Variants in CPSF6 observed in about 807,000 individuals in gnomAD.
CPSF6 encodes the protein cleavage and polyadenylation specificity factor subunit 6.
A neutral mutation model predicts 56.7 loss-of-function variants in CPSF6; 10 were observed. The observed-to-expected ratio is 0.18, with a 90% confidence interval of 0.11 to 0.30. CPSF6 has a LOEUF of 0.30. Among genes scored for constraint, CPSF6 ranks in the 10% least tolerant of loss-of-function variants. The probability of loss-of-function intolerance (pLI) is 1.00; values close to 1 mark genes in which losing one functional copy is unlikely to be tolerated. For synonymous variants in CPSF6, 248 were observed against 244.8 expected (o/e 1.01, Z -0.12); for missense variants, 419 against 722.9 (o/e 0.58, Z 4.82).
intron 1 of CPSF6, among the ~76,000 whole-genome samples, chr12:69,245,441 A>C (rs541239193): frequency 6.6e-6 from 1 of 152,348 alleles, no homozygotes; most frequent in East Asian, 1.9e-4. Context: ...GTATATATAA[A>C]GAAAAACATA....
intron 7 of CPSF6, 125 bp downstream of exon 7, chr12:69,259,668 C>T (rs1872662551): frequency 1.2e-6 from 1 of 838,478 alleles, no homozygotes; most frequent in Non-Finnish European, 1.8e-6. Context: ...CAAATCATTA[C>T]CTACGATTTA....
intron 2 of CPSF6, chr12:69,251,939 C>T: frequency 4.6e-6 from 2 of 433,062 alleles, no homozygotes; most frequent in South Asian, 1.7e-5. Flanking sequence ...TAAAATAGTC[C>T]TATAGAATGT....
chr12:69,265,138 T>TGTATTGGTTTTTCTAAAA (rs1394639256), intron 9 of CPSF6, among the ~76,000 whole-genome samples: 1 of 152,190 alleles, frequency 6.6e-6, no homozygotes, highest in Non-Finnish European at 1.5e-5. Context: ...CATTTTAAAA[T>TGTATTGGTTTTTCTAAAA]GTATTGGTTT....
chr12:69,253,238 T>A, intron 3 of CPSF6, 84 bp downstream of exon 3: 1 of 718,942 alleles, frequency 1.4e-6, no homozygotes, highest in Non-Finnish European at 2.4e-6. Flanking sequence ...TTAATGTTAA[T>A]TACACATGTA....
Position 69,258,941 on chromosome 12 carries a change from G to C in CPSF6, c.1046G>C (p.Gly349Ala), listed in dbSNP as rs1440303901. Residue 349 changes from glycine (G) to alanine (A), a missense_variant, in exon 6 of 10, where the codon GGT becomes GCT. By Grantham distance (60) the Gly-to-Ala change is moderately conservative. Coordinates refer to ENST00000435070, the MANE Select transcript of CPSF6 (RefSeq NM_007007.3). This position sits in a 1 kb window ranked among gnomAD's most constrained non-coding sequence, Gnocchi z 4.2. ...CCGCATCTTCCTGGACCACCTCCAG[G>C]TGCCCCACCGCCAGCTCCGCATGTG... ...PPPHLPGPPP[G>A]APPPAPHVNP... 6.2e-7 allele frequency: 1 copy of C among 1,613,904 alleles called. No homozygotes were observed. Among genetic ancestry groups the C allele is most frequent in the African/African-American group, 1.3e-5 (1 of 74,860 alleles).
chr12:69,259,118 A>G, intron 6 of CPSF6, 24 bp downstream of exon 6: 2 of 1,576,564 alleles, frequency 1.3e-6, no homozygotes, highest in African/African-American at 2.7e-5. Flanking sequence ...TATCTGTGAA[A>G]GTACTTGATG....
At position 69,273,014 on chromosome 12, in the gene CPSF6, A is replaced by G. The variant is rs1467357957; in HGVS notation, c.*3506A>G. Reference sequence around the variant, plus strand: ...CAATAAATATTCAACCAAAAATTATAAATTTATTAAGATGTGGCCTTACAT... The same window carrying G: ...CAATAAATATTCAACCAAAAATTATGAATTTATTAAGATGTGGCCTTACAT... On this transcript the variant is annotated 3_prime_UTR_variant, in exon 10 of 10. Transcript: ENST00000435070. The G allele has an allele frequency of 4.1e-6, 1 of 244,524 alleles. No homozygotes were observed. Among genetic ancestry groups the G allele is most frequent in the Admixed American group, 5.2e-5 (1 of 19,208 alleles). 15.1% of individuals were successfully genotyped at this position (244,524 alleles called of 1,614,324 possible).
chr12:69,240,712 T>C (rs1455342510), intron 1 of CPSF6, among the ~76,000 whole-genome samples: 1 of 145,032 alleles, frequency 6.9e-6, no homozygotes, highest in African/African-American at 2.5e-5. Flanking sequence ...GGCCCCGTGT[T>C]ACCTTTTGAA....
chr12:69,253,774 A>C (rs1000301788), intron 3 of CPSF6, among the ~76,000 whole-genome samples: 3 of 152,104 alleles, frequency 2.0e-5, no homozygotes, highest in African/African-American at 7.2e-5. Flanking sequence ...TCTAATGTCT[A>C]ATTCTTTTGC....
At chr12:69,262,648 C>CCTG in intron 9 of CPSF6, 86 bp downstream of exon 9, 1 of 1,308,512 alleles carries the variant, frequency 7.6e-7, no homozygotes, top group Non-Finnish European at 1.0e-6. Flanking sequence ...CAGTATATAC[C>CCTG]TACATTTTAA....
chr12:69,250,657 T>G (rs1018958595), intron 1 of CPSF6, among the ~76,000 whole-genome samples: 9 of 10,124 alleles, frequency 8.9e-4, no homozygotes, highest in East Asian at 2.7e-3. Flanking sequence ...GTTTTTTTGT[T>G]TTTTTTTGAG....
Position 69,258,540 on chromosome 12 carries a change from A to C in CPSF6, c.695-50A>C, listed in dbSNP as rs1266777245. ...AATCTTGGCATATAAAAGTTAAAAT[A>C]TCTTATTAGTGAAGTGTTTTTTTTT... On this transcript the variant is annotated intron_variant, in intron 5 of 9. Coordinates refer to ENST00000435070, the MANE Select transcript of CPSF6 (RefSeq NM_007007.3). The surrounding 1 kb of genome is among the most constrained non-coding windows in gnomAD (Gnocchi z 4.2). 7 of 1,512,272 alleles carry C rather than the reference A, an allele frequency of 4.6e-6. No homozygotes were observed. The highest frequency in any genetic ancestry group is 6.2e-6 in the Non-Finnish European group (7 of 1,136,220). The allele number at this position is 1,512,272 out of a possible 1,614,324, so 93.7% of individuals were successfully genotyped here.
chr12:69,265,978 T>C (rs1187242638), intron 9 of CPSF6, among the ~76,000 whole-genome samples: 16 of 151,418 alleles, frequency 1.1e-4, no homozygotes, highest in Non-Finnish European at 1.9e-4. Flanking sequence ...GCCCAAGATT[T>C]AGGATGCTTT....
Position 69,271,749 on chromosome 12 carries a change from G to A in CPSF6, c.*2241G>A, listed in dbSNP as rs1873255359. On this transcript the variant is annotated 3_prime_UTR_variant, in exon 10 of 10. Transcript: ENST00000435070. ...CTACCTGATAACACGTGAATGTATA[G>A]CAGTAAAGGTGAAAATTGCAGGCCT... 6.6e-6 allele frequency: 1 copy of A among 151,698 alleles called. No homozygotes were observed. Among genetic ancestry groups the A allele is most frequent in the African/African-American group, 2.4e-5 (1 of 41,390 alleles). 9.4% of individuals were successfully genotyped at this position (151,698 alleles called of 1,614,324 possible). A position where few individuals can be genotyped will look rare whatever the true frequency, so the allele number is the denominator to read the frequency against.
intron 1 of CPSF6, among the ~76,000 whole-genome samples, chr12:69,240,601 C>A (rs540735481): frequency 2.6e-5 from 4 of 152,136 alleles, no homozygotes; most frequent in Admixed American, 6.5e-5. Flanking sequence ...AATGAAAGAA[C>A]GTTCACCCCA....
rs1370023013 is a variant in CPSF6 at position 69,258,127 on chromosome 12, C to A, written c.694+222C>A. 6.5e-7 allele frequency: 1 copy of A among 1,533,452 alleles called. No homozygotes were observed. Among genetic ancestry groups the A allele is most frequent in the Admixed American group, 2.0e-5 (1 of 50,938 alleles). 95.0% of individuals were successfully genotyped at this position (1,533,452 alleles called of 1,614,324 possible). On this transcript the variant is annotated intron_variant, in intron 5 of 9. Coordinates refer to ENST00000435070, the MANE Select transcript of CPSF6 (RefSeq NM_007007.3). This position sits in a 1 kb window ranked among gnomAD's most constrained non-coding sequence, Gnocchi z 4.2. ...TATGGGGCACAGCATAGAGGAAATA[C>A]CCATTTTTGGCCTAAAAGGTCTTTA...
chr12:69,268,076 C>T (rs1873078474), intron 9 of CPSF6, among the ~76,000 whole-genome samples: 1 of 151,744 alleles, frequency 6.6e-6, no homozygotes, highest in Non-Finnish European at 1.5e-5. Flanking sequence ...TTATTAATTT[C>T]CCAGTAATTA....
intron 3 of CPSF6, among the ~76,000 whole-genome samples, chr12:69,255,939 T>C (rs1393634257): frequency 1.3e-5 from 2 of 152,206 alleles, no homozygotes; most frequent in African/African-American, 4.8e-5. Context: ...GTTAATGATA[T>C]TGTACATCTT....
chr12:69,261,772 C>T (rs1018634420), intron 8 of CPSF6, among the ~76,000 whole-genome samples: 3 of 152,210 alleles, frequency 2.0e-5, no homozygotes, highest in Middle Eastern at 3.4e-3. Flanking sequence ...TTTAAAAAAT[C>T]GCAGTTCATG....
Sources: gnomAD v4.1 joint callset for allele counts (sites outside exome capture counted in the v4.1 genomes callset) on GRCh38, gnomAD v4.1.1 for gene constraint, Gnocchi (gnomAD v3.1) non-coding constraint, MANE v1.5 for transcripts, NCBI Gene and HGNC (gene_info 2026-07-23, HGNC 2026-07-21) for gene names.